Variants in RUNX3 observed in about 807,000 individuals in gnomAD.
The protein encoded by RUNX3 is runt-related transcription factor 3.
A neutral mutation model predicts 27.7 loss-of-function variants in RUNX3; 10 were observed. The observed-to-expected ratio is 0.36, with a 90% CI of 0.22 to 0.61. RUNX3 has a LOEUF of 0.61. Ranked by LOEUF, RUNX3 falls within the 20% of genes least tolerant of loss-of-function variation. The pLI, the probability that RUNX3 is intolerant of heterozygous loss-of-function variation, is 0.72. For synonymous variants in RUNX3, 270 were observed against 269.2 expected, an observed-to-expected ratio of 1.00 and a Z score of -0.03; for missense variants, 469 against 629.5, an observed-to-expected ratio of 0.75 and a Z score of 2.73.
upstream of RUNX3, chr1:24,930,351 C>T (rs1332273279): frequency 2.1e-6 from 1 of 478,448 alleles, no homozygotes; most frequent in Non-Finnish European, 2.7e-6. The surrounding 1 kb of genome is among the most constrained non-coding windows in gnomAD (Gnocchi z 4.1). Context: ...ACGCGTCGCA[C>T]AGCCAATCGG....
chr1:24,952,944 A>C (rs1432947089), intron 2 of RUNX3, among the ~76,000 whole-genome samples: 1 of 151,628 alleles, frequency 6.6e-6, no homozygotes, highest in African/African-American at 2.4e-5. Flanking sequence ...CTTTTAAAAA[A>C]CTCAGGTATT....
chr1:24,914,707 T>G (rs1045216557), intron 3 of RUNX3, among the ~76,000 whole-genome samples: 3 of 151,976 alleles, frequency 2.0e-5, no homozygotes, highest in Non-Finnish European at 4.4e-5. Context: ...CTCCTGGGGG[T>G]TGTGGGGATC....
chr1:24,918,988 C>T (rs1192686992), intron 3 of RUNX3, among the ~76,000 whole-genome samples: 1 of 152,230 alleles, frequency 6.6e-6, no homozygotes, highest in Non-Finnish European at 1.5e-5. Flanking sequence ...CCATCCTTTT[C>T]CTTTCCTTGA....
upstream of RUNX3, among the ~76,000 whole-genome samples, chr1:24,933,453 C>A (rs980307194): frequency 3.9e-5 from 6 of 152,160 alleles, no homozygotes; most frequent in Non-Finnish European, 7.4e-5. Flanking sequence ...GGCCTTTGAC[C>A]CACCCCTCCT....
At chr1:24,921,798 A>C (rs1473358854) in intron 2 of RUNX3, among the ~76,000 whole-genome samples, 1 of 152,170 alleles carries the variant, frequency 6.6e-6, no homozygotes, top group African/African-American at 2.4e-5. Context: ...TAGGGGCCAG[A>C]CTGGAGACAC....
chr1:24,958,008 A>T (rs562384124), intron 2 of RUNX3, among the ~76,000 whole-genome samples: 60 of 152,310 alleles, frequency 3.9e-4, no homozygotes, highest in African/African-American at 8.9e-4. Flanking sequence ...CTAGCCCTGA[A>T]AAAACCAGGG....
chr1:24,961,869 G>A (rs1344138442), intron 2 of RUNX3: 1 of 152,234 alleles, frequency 6.6e-6, no homozygotes, highest in Admixed American at 6.5e-5. Context: ...GGAGGCAGTG[G>A]GGGGCACAGG....
At chr1:24,948,625 G>A (rs1641674648) in intron 2 of RUNX3, among the ~76,000 whole-genome samples, 1 of 150,238 alleles carries the variant, frequency 6.7e-6, no homozygotes, top group East Asian at 2.0e-4. Context: ...TGCAGGATGG[G>A]TGCATGTCGG....
chr1:24,912,177 G>A (rs945404456), intron 3 of RUNX3, among the ~76,000 whole-genome samples: 3 of 152,230 alleles, frequency 2.0e-5, no homozygotes, highest in African/African-American at 2.4e-5. Flanking sequence ...AACCCACTCC[G>A]TCACCTTGGG....
At chr1:24,956,786 A>G (rs1641941613) in intron 2 of RUNX3, among the ~76,000 whole-genome samples, 1 of 152,138 alleles carries the variant, frequency 6.6e-6, no homozygotes, top group Admixed American at 6.5e-5. Context: ...TAGGGGCATG[A>G]CCAAAATGGA....
intron 4 of RUNX3, among the ~76,000 whole-genome samples, chr1:24,906,873 T>TG (rs1273574051): frequency 6.6e-6 from 1 of 152,064 alleles, no homozygotes; most frequent in Non-Finnish European, 1.5e-5. Flanking sequence ...TCGCAGGCTG[T>TG]GGGGCAGGGG....
intron 3 of RUNX3, 42 bp from the exon 4 acceptor site, chr1:24,907,459 G>C (rs1640689459): frequency 6.3e-7 from 1 of 1,579,390 alleles, no homozygotes. Flanking sequence ...CTTCCCCAGA[G>C]TCTCAGTGGA....
chr1:24,955,762 G>T (rs539719230), intron 2 of RUNX3, among the ~76,000 whole-genome samples: 6 of 152,284 alleles, frequency 3.9e-5, no homozygotes, highest in South Asian at 2.1e-4. Context: ...AAAAACACTG[G>T]GGGGGAGGGT....
upstream of RUNX3, among the ~76,000 whole-genome samples, chr1:24,934,202 G>T (rs1308913592): frequency 6.6e-6 from 1 of 152,162 alleles, no homozygotes; most frequent in Non-Finnish European, 1.5e-5. Context: ...ATATATAAGC[G>T]AGAAATGTTA....
intron 2 of RUNX3, among the ~76,000 whole-genome samples, chr1:24,922,137 CT>C (rs951431832): frequency 1.3e-5 from 2 of 151,110 alleles, no homozygotes; most frequent in African/African-American, 4.9e-5. Context: ...TCCCTTCCTT[CT>C]TTTCCTTCCC....
chr1:24,902,662 G>A lies in RUNX3; in HGVS notation c.708C>T (p.Thr236=), dbSNP rs774027514. The A allele has an allele frequency of 3.3e-6, 5 of 1,515,768 alleles. No homozygotes were observed. In the Middle Eastern group the frequency reaches 8.9e-4, roughly 271 times the overall value. The allele number at this position is 1,515,768 out of a possible 1,614,324, so 93.9% of individuals were successfully genotyped here. The change falls in exon 5 of 5, where the codon ACC becomes ACT. Residue 236 remains threonine, a synonymous_variant. Transcript: ENST00000308873. This position sits in a 1 kb window ranked among gnomAD's most constrained non-coding sequence, Gnocchi z 9.2. The stretch of plus-strand genomic sequence containing the variant: ...GGTCGGAGAATGGGTTCAGTTCCGA[G>A]GTGCCTGGAGGACAGCAGGGAAGAG... The part of the protein sequence containing the change: ...SSQPQTPIQG[T]SELNPFSDPR...
Position 24,919,059 on chromosome 1 carries a change from C to T in RUNX3, c.544+181G>A, listed in dbSNP as rs539369841. Among the ~76,000 whole-genome samples, 33 of 152,356 alleles carry T rather than the reference C, an allele frequency of 2.2e-4. No homozygotes were observed. The East Asian group carries it at 4.4e-3, about 20-fold the overall frequency. The stretch of plus-strand genomic sequence containing the variant: ...TCCCAGCCTCCTCGCTGGCCTCCCA[C>T]GGTCTCAGGCTAAGCCCAGAGGGTT... On this transcript the variant is annotated intron_variant, in intron 3 of 4. Transcript: ENST00000308873.
At chr1:24,903,068 A>G (rs1252425013) in intron 4 of RUNX3, among the ~76,000 whole-genome samples, 1 of 152,176 alleles carries the variant, frequency 6.6e-6, no homozygotes, top group African/African-American at 2.4e-5. Flanking sequence ...CCACCGGCCC[A>G]TGTTAACAGC....
At chr1:24,945,222 C>T (rs958432820) in intron 2 of RUNX3, among the ~76,000 whole-genome samples, 6 of 152,130 alleles carry the variant, frequency 3.9e-5, no homozygotes, top group African/African-American at 1.4e-4. Flanking sequence ...CCAAATATTG[C>T]AATTATTTAT....
Sources: gnomAD v4.1 joint callset for allele counts (sites outside exome capture counted in the v4.1 genomes callset) on GRCh38, gnomAD v4.1.1 for gene constraint, Gnocchi (gnomAD v3.1) non-coding constraint, MANE v1.5 for transcripts, NCBI Gene and HGNC (gene_info 2026-07-23, HGNC 2026-07-21) for gene names.